The following ATP7B variants were observed in gnomAD, a reference collection of about 807,000 sequenced individuals.
ATP7B encodes ATPase copper transporting beta, also known as copper-transporting ATPase 2.
In ATP7B, 113 loss-of-function variants were observed where a neutral mutation model predicts 118.9. That is an observed-to-expected ratio of 0.95 (90% CI 0.82 to 1.11). The LOEUF (loss-of-function observed/expected upper bound fraction) is 1.11, where lower values mean the gene tolerates loss of function less well. ATP7B is among the 50% of genes most tolerant of loss of function. The pLI is 0.00. For missense variants in ATP7B, 1,867 were observed against 1,871.4 expected, an observed-to-expected ratio of 1.00 and a Z score of 0.04; for synonymous variants, 777 against 727.4, an observed-to-expected ratio of 1.07 and a Z score of -1.10.
At chr13:52,005,836 C>T (rs938060741) in intron 1 of ATP7B, among the ~76,000 whole-genome samples, 13 of 152,180 alleles carry the variant, frequency 8.5e-5, no homozygotes, top group Admixed American at 2.0e-4. Flanking sequence ...AACAGGCCCC[C>T]CAAAATCTAG....
At chr13:51,941,740 C>T (rs755114845) in intron 15 of ATP7B, among the ~76,000 whole-genome samples, 9 of 152,266 alleles carry the variant, frequency 5.9e-5, no homozygotes, top group East Asian at 3.9e-4. Flanking sequence ...TGTCACTGAA[C>T]GGCCAGGCTC....
At chr13:51,955,036 A>G (rs1998611) in intron 9 of ATP7B, among the ~76,000 whole-genome samples, 85,707 of 152,004 alleles carry the variant, frequency 0.56, 24,283 homozygotes, top group Middle Eastern at 0.64. Flanking sequence ...GATCGCACCT[A>G]GAAACGCTGC....
intron 1 of ATP7B, among the ~76,000 whole-genome samples, chr13:52,001,265 AC>A (rs1289850597): frequency 6.6e-6 from 1 of 152,150 alleles, no homozygotes; most frequent in Non-Finnish European, 1.5e-5. Context: ...TCTATTCTCA[AC>A]ACAAAAGTCA....
At chr13:51,942,710 G>C (rs1452270533) in intron 14 of ATP7B, among the ~76,000 whole-genome samples, 156 bp from the exon 15 acceptor site, 1 of 152,188 alleles carries the variant, frequency 6.6e-6, no homozygotes, top group African/African-American at 2.4e-5. Flanking sequence ...GGAACAGATA[G>C]GAAAGGTTAA....
At chr13:51,935,527 C>T in intron 20 of ATP7B, 66 bp downstream of exon 20, 1 of 1,487,782 alleles carries the variant, frequency 6.7e-7, no homozygotes. Context: ...TTCCACTGTG[C>T]TAAGCATGCA....
intron 9 of ATP7B, among the ~76,000 whole-genome samples, chr13:51,955,081 A>T (rs1018186217): frequency 6.6e-6 from 1 of 152,204 alleles, no homozygotes; most frequent in African/African-American, 2.4e-5. Context: ...AGAAAGCACA[A>T]GTGTCCCCAG....
At chr13:51,938,451 A>G (rs951994899) in intron 17 of ATP7B, among the ~76,000 whole-genome samples, 2 of 152,250 alleles carry the variant, frequency 1.3e-5, no homozygotes, top group Non-Finnish European at 2.9e-5. Context: ...ACAGGTCCAT[A>G]ATTAGCAAGG....
intron 12 of ATP7B, among the ~76,000 whole-genome samples, chr13:51,948,339 C>T (rs1478397293): frequency 6.6e-6 from 1 of 152,074 alleles, no homozygotes; most frequent in African/African-American, 2.4e-5. Context: ...CAGCCTCAAA[C>T]TCCTGGACTC....
At chr13:51,978,696 C>T (rs967998393) in intron 1 of ATP7B, 2 of 152,180 alleles carry the variant, frequency 1.3e-5, no homozygotes, top group African/African-American at 4.8e-5. Flanking sequence ...ATGAAATAAG[C>T]TGATATCTAA....
intron 1 of ATP7B, chr13:51,975,694 GAGGTTAAAT>G (rs1332992486): frequency 2.3e-6 from 1 of 440,276 alleles, no homozygotes; most frequent in African/African-American, 2.0e-5. Flanking sequence ...TATCTTAGCA[GAGGTTAAAT>G]GTGCTTAACA....
chr13:51,972,618 G>T lies in ATP7B; in HGVS notation c.1285+1317C>A, dbSNP rs548425266. On this transcript the variant is annotated intron_variant, in intron 2 of 20. Transcript: ENST00000242839. ...ACCTCTTTCTCACCCGGCCTCCTAC[G>T]TGGTCTCATTGCCTCCATGGACACT... Among the ~76,000 whole-genome samples the T allele has an allele frequency of 9.6e-4, 146 of 152,196 alleles. 1 individual carries two copies. In the Middle Eastern group the frequency reaches 0.01, roughly 11 times the overall value.
At chr13:51,945,538 C>T (rs1351791304) in intron 13 of ATP7B, among the ~76,000 whole-genome samples, 1 of 152,202 alleles carries the variant, frequency 6.6e-6, no homozygotes, top group African/African-American at 2.4e-5. Flanking sequence ...TCCCTGACCA[C>T]CTGCAGCACC....
rs758025913 is a variant in ATP7B at position 51,939,161 on chromosome 13, C to A, written c.3589G>T (p.Ala1197Ser). Residue 1197 changes from alanine (A) to serine (S), a missense_variant, in exon 17 of 21, where the codon GCT (alanine) becomes TCT (serine). Transcript: ENST00000242839. The part of the protein sequence containing the change: ...VLCGMIAIAD[A>S]VKQEAALAVH... Reference sequence around the variant, plus strand: ...GCCAGGGCAGCCTCCTGCTTGACAGCGTCTGCGATTGCGATCATCCCACAG... The same window carrying A: ...GCCAGGGCAGCCTCCTGCTTGACAGAGTCTGCGATTGCGATCATCCCACAG... 6 of 1,614,052 alleles carry A rather than the reference C, an allele frequency of 3.7e-6. No individual in the cohort carries two copies. The highest frequency in any genetic ancestry group is 5.1e-6 in the Non-Finnish European group (6 of 1,180,044).
chr13:51,934,681 C>T lies in ATP7B; in HGVS notation c.*75G>A. On this transcript the variant is annotated 3_prime_UTR_variant, in exon 21 of 21. Coordinates refer to ENST00000242839, the MANE Select transcript of ATP7B (RefSeq NM_000053.4). ...AAAGCTGGAGGCTAGCTCAGCCCAT[C>T]CTGCTGCTGGCTGTCCTGCTCAGCT... 3 of 1,598,324 alleles carry T rather than the reference C, an allele frequency of 1.9e-6. No individual in the cohort carries two copies. The highest frequency in any genetic ancestry group is 1.7e-6 in the Non-Finnish European group (2 of 1,174,742).
chr13:51,974,064 C>G lies in ATP7B; in HGVS notation c.1156G>C (p.Gly386Arg), dbSNP rs201969695. Residue 386 changes from glycine to arginine, a missense_variant, in exon 2 of 21, where the codon GGG (glycine) becomes CGG (arginine). Coordinates refer to ENST00000242839, the MANE Select transcript of ATP7B (RefSeq NM_000053.4). ...SIEGMISQLEGVQQISVSLAE... is the reference protein window; with the variant it reads ...SIEGMISQLERVQQISVSLAE... Reference sequence around the variant, plus strand: ...AAAGACACCGATATTTGCTGCACCCCTTCCAGTTGGGAGATCATGCCTTCA... The same window carrying G: ...AAAGACACCGATATTTGCTGCACCCGTTCCAGTTGGGAGATCATGCCTTCA... 2 of 1,614,194 alleles carry G rather than the reference C, an allele frequency of 1.2e-6. No homozygotes were observed. The highest frequency in any genetic ancestry group is 8.5e-7 in the Non-Finnish European group (1 of 1,180,046).
At chr13:51,954,857 G>C (rs954517312) in intron 9 of ATP7B, among the ~76,000 whole-genome samples, 1 of 152,232 alleles carries the variant, frequency 6.6e-6, no homozygotes, top group Admixed American at 6.5e-5. Context: ...TCTCACGGCT[G>C]TTAACCAAAG....
chr13:51,989,877 G>T (rs1390206078), intron 1 of ATP7B, among the ~76,000 whole-genome samples: 1 of 151,840 alleles, frequency 6.6e-6, no homozygotes, highest in Non-Finnish European at 1.5e-5. Context: ...CAACAAAGAG[G>T]TTTTATTTAT....
intron 1 of ATP7B, among the ~76,000 whole-genome samples, chr13:52,006,716 C>T (rs1953789341): frequency 1.3e-5 from 2 of 152,236 alleles, no homozygotes; most frequent in Non-Finnish European, 2.9e-5. Context: ...CTCTTCCAGC[C>T]TTGCCACGCC....
At chr13:51,987,481 T>A (rs1234517304) in intron 1 of ATP7B, among the ~76,000 whole-genome samples, 1 of 152,230 alleles carries the variant, frequency 6.6e-6, no homozygotes, top group Non-Finnish European at 1.5e-5. Flanking sequence ...AAAATGGCCA[T>A]ACTGCCCAAA....
Sources: gnomAD v4.1 joint callset for allele counts (sites outside exome capture counted in the v4.1 genomes callset) on GRCh38, gnomAD v4.1.1 for gene constraint, MANE v1.5 for transcripts, NCBI Gene and HGNC (gene_info 2026-07-23, HGNC 2026-07-21) for gene names.